The following LTBP2 variants were observed in gnomAD, a reference collection of about 807,000 sequenced individuals.
The protein encoded by LTBP2 is latent transforming growth factor beta binding protein 2, also known as latent-transforming growth factor beta-binding protein 2.
A neutral mutation model predicts 210.6 loss-of-function variants in LTBP2; 103 were observed. The observed-to-expected ratio is 0.49, with a 90% confidence interval of 0.42 to 0.58. The LOEUF (loss-of-function observed/expected upper bound fraction) is 0.58. Among genes scored for constraint, LTBP2 ranks in the 20% least tolerant of loss-of-function variants. The probability of loss-of-function intolerance (pLI) is 0.00; values close to 1 mark genes in which losing one functional copy is unlikely to be tolerated. For missense variants in LTBP2, 2,313 were observed against 2,494.5 expected, an observed-to-expected ratio of 0.93 and a Z score of 1.55; for synonymous variants, 1,007 against 1,015.0, an observed-to-expected ratio of 0.99 and a Z score of 0.15.
At chr14:74,577,097 A>G (rs1054246088) in intron 3 of LTBP2, among the ~76,000 whole-genome samples, 8 of 152,208 alleles carry the variant, frequency 5.3e-5, no homozygotes, top group African/African-American at 1.9e-4. Flanking sequence ...AATAGTTTTC[A>G]AGGTCCTAAG....
intron 17 of LTBP2, among the ~76,000 whole-genome samples, chr14:74,520,431 A>T (rs1353593878): frequency 6.6e-6 from 1 of 152,202 alleles, no homozygotes; most frequent in Non-Finnish European, 1.5e-5. Flanking sequence ...GATTTCCATA[A>T]CATGGAGTTG....
At chr14:74,527,223 C>CT in intron 13 of LTBP2, 124 bp downstream of exon 13, 1 of 1,264,410 alleles carries the variant, frequency 7.9e-7, no homozygotes, top group Non-Finnish European at 1.1e-6. Flanking sequence ...CAAGTAAAAT[C>CT]TAACAGATAC....
At chr14:74,507,450 G>T in intron 25 of LTBP2, 140 bp from the exon 26 acceptor site, 1 of 1,195,054 alleles carries the variant, frequency 8.4e-7, no homozygotes, top group South Asian at 1.2e-5. Context: ...GCACATCAAG[G>T]TCAGGACGAT....
intron 2 of LTBP2, among the ~76,000 whole-genome samples, chr14:74,589,858 G>C (rs1255876484): frequency 6.6e-6 from 1 of 152,148 alleles, no homozygotes; most frequent in Non-Finnish European, 1.5e-5. Flanking sequence ...CTCTGCCACA[G>C]AGACCCAAAG....
Position 74,502,797 on chromosome 14 carries a change from AG to A in LTBP2, c.5025del (p.Phe1676SerfsTer65). The part of the protein sequence containing the change: ...HYSIYGPDGA[P>X]FYNYLGPEDT... ...TCCTCGGGGCCCAGGTAGTTGTAGA[AG>A]GGGGCCCCATCTGGGCCATAGATGC... On this transcript the variant is annotated frameshift_variant, in exon 34 of 36. Transcript: ENST00000261978. LOFTEE classifies it high-confidence loss of function. 6.2e-7 allele frequency: 1 copy of A among 1,614,062 alleles called. No homozygotes were observed. The highest frequency in any genetic ancestry group is 8.5e-7 in the Non-Finnish European group (1 of 1,179,964).
chr14:74,509,869 G>T lies in LTBP2; in HGVS notation c.3152-10C>A. 6.2e-7 allele frequency: 1 copy of T among 1,614,048 alleles called. No individual in the cohort carries two copies. Among genetic ancestry groups the T allele is most frequent in the Non-Finnish European group, 8.5e-7 (1 of 1,180,036 alleles). On this transcript the variant is annotated splice_polypyrimidine_tract_variant and intron_variant, in intron 20 of 35. Coordinates refer to ENST00000261978, the MANE Select transcript of LTBP2 (RefSeq NM_000428.3). ...GCACACTCATCCACATCTGAAATAG[G>T]GCATTGCATTCTGTGTGGGACTCTG...
At chr14:74,551,024 C>T in intron 7 of LTBP2, 40 bp downstream of exon 7, 2 of 1,612,690 alleles carry the variant, frequency 1.2e-6, no homozygotes, top group South Asian at 2.2e-5. Flanking sequence ...AACTGCCATC[C>T]TGGAAGCATC....
At chr14:74,522,355 A>G (rs1216180298) in intron 16 of LTBP2, among the ~76,000 whole-genome samples, 2 of 152,102 alleles carry the variant, frequency 1.3e-5, no homozygotes, top group Non-Finnish European at 2.9e-5. Context: ...ATTTGAAAAT[A>G]TTGGGGGGAG....
intron 7 of LTBP2, 47 bp from the exon 8 acceptor site, chr14:74,550,012 C>T (rs1329068149): frequency 8.1e-7 from 1 of 1,241,698 alleles, no homozygotes; most frequent in Non-Finnish European, 1.2e-6. Flanking sequence ...CCTTCCCTCC[C>T]AGGCTGTGCA....
chr14:74,601,097 G>C (rs1357240985), intron 2 of LTBP2, among the ~76,000 whole-genome samples: 1 of 152,200 alleles, frequency 6.6e-6, no homozygotes. Flanking sequence ...CAGCCCCAGA[G>C]CCTCTGCTTA....
chr14:74,537,876 T>G (rs1291361620), intron 8 of LTBP2, among the ~76,000 whole-genome samples: 1 of 152,158 alleles, frequency 6.6e-6, no homozygotes, highest in Non-Finnish European at 1.5e-5. Context: ...TGCCTCAGCC[T>G]CCCGAGTAGC....
intron 2 of LTBP2, among the ~76,000 whole-genome samples, chr14:74,596,950 A>G (rs1470235614): frequency 6.6e-6 from 1 of 152,226 alleles, no homozygotes; most frequent in African/African-American, 2.4e-5. Context: ...ACTGAAGGTC[A>G]GACAAGAGGC....
chr14:74,520,110 C>T (rs775317802), intron 17 of LTBP2, among the ~76,000 whole-genome samples: 8 of 152,252 alleles, frequency 5.3e-5, no homozygotes, highest in Admixed American at 3.3e-4. Context: ...CTCCAGGTAG[C>T]CCTGCTCCAG....
At chr14:74,522,752 C>T in intron 16 of LTBP2, 38 bp downstream of exon 16, 1 of 1,593,284 alleles carries the variant, frequency 6.3e-7, no homozygotes, top group Non-Finnish European at 8.6e-7. Context: ...CCCATCTACC[C>T]CAGCCGCCAA....
At chr14:74,570,025 G>C (rs1489220087) in intron 3 of LTBP2, among the ~76,000 whole-genome samples, 4 of 152,178 alleles carry the variant, frequency 2.6e-5, no homozygotes, top group Non-Finnish European at 5.9e-5. Flanking sequence ...AGTGGCTGGA[G>C]AGCTGCAGCC....
At chr14:74,600,019 G>A (rs1595301559) in intron 2 of LTBP2, among the ~76,000 whole-genome samples, 1 of 152,340 alleles carries the variant, frequency 6.6e-6, no homozygotes, top group East Asian at 1.9e-4. Context: ...CTCTGCCCCA[G>A]CCAGGAGGGC....
Position 74,508,369 on chromosome 14 carries a change from G to C in LTBP2, c.3652+235C>G, listed in dbSNP as rs531925630. Among the ~76,000 whole-genome samples, 10 of 152,216 alleles carry C rather than the reference G, an allele frequency of 6.6e-5. No homozygotes were observed. The South Asian group carries it at 2.1e-3, about 32-fold the overall frequency. On this transcript the variant is annotated intron_variant, in intron 24 of 35. Coordinates refer to ENST00000261978, the MANE Select transcript of LTBP2 (RefSeq NM_000428.3). ...ATGCCTGCTGTCAACGTCGTGAAGA[G>C]GCCCTGGTGAGAGACTGAGTCCCTC...
intron 2 of LTBP2, among the ~76,000 whole-genome samples, chr14:74,602,506 T>C (rs2088462378): frequency 6.6e-6 from 1 of 152,224 alleles, no homozygotes; most frequent in Non-Finnish European, 1.5e-5. Context: ...AGAGGGACCC[T>C]GGTGTCAGGT....
intron 3 of LTBP2, 33 bp from the exon 4 acceptor site, chr14:74,555,726 C>A (rs774043130): frequency 6.8e-6 from 10 of 1,465,774 alleles, no homozygotes; most frequent in Non-Finnish European, 1.8e-6. Context: ...GGGGTTTGCA[C>A]CCTGGGAACA....
Sources: allele counts gnomAD v4.1 joint callset (sites outside exome capture counted in the v4.1 genomes callset), GRCh38; gene constraint gnomAD v4.1.1; transcripts MANE v1.5; gene names NCBI Gene and HGNC (gene_info 2026-07-23, HGNC 2026-07-21).